Variants in PCDHA7 observed in about 807,000 individuals in gnomAD.
The protein encoded by PCDHA7 is protocadherin alpha 7.
A neutral mutation model predicts 57.2 loss-of-function variants in PCDHA7; 37 were observed. That is an observed-to-expected ratio of 0.65 (90% CI 0.50 to 0.85). The LOEUF is 0.85. PCDHA7 is among the 40% of genes least tolerant of loss of function. The pLI, the probability that PCDHA7 is intolerant of heterozygous loss-of-function variation, is 0.00. For missense variants in PCDHA7, 1,188 were observed against 1,241.8 expected, an observed-to-expected ratio of 0.96 and a Z score of 0.65; for synonymous variants, 553 against 558.8, an observed-to-expected ratio of 0.99 and a Z score of 0.15.
chr5:140,995,285 C>G (rs1179283452), intron 3 of PCDHA7, among the ~76,000 whole-genome samples: 1 of 152,048 alleles, frequency 6.6e-6, no homozygotes, highest in African/African-American at 2.4e-5. Flanking sequence ...ACCAAAACAG[C>G]CAGTCGGATA....
intron 1 of PCDHA7, among the ~76,000 whole-genome samples, chr5:140,924,615 C>G (rs142536325): frequency 6.6e-6 from 1 of 152,150 alleles, no homozygotes; most frequent in African/African-American, 2.4e-5. Flanking sequence ...ATGCCAGGTG[C>G]GGTGGCATGG....
At chr5:140,851,722 C>T (rs2042141470) in intron 1 of PCDHA7, 8 of 966,996 alleles carry the variant, frequency 8.3e-6, no homozygotes, top group East Asian at 1.1e-4. Flanking sequence ...TTCGAAACTT[C>T]GAGTTCTTTT....
rs116104145 is a variant in PCDHA7, at chr5:140,901,150, A to G, written c.2355+64412A>G. Among the ~76,000 whole-genome samples, 839 of 152,012 alleles carry G rather than the reference A, an allele frequency of 5.5e-3. 12 individuals carry two copies. Among genetic ancestry groups the G allele is most frequent in the African/African-American group, 0.019 (783 of 41,484 alleles). On this transcript the variant is annotated intron_variant, in intron 1 of 3. Transcript: ENST00000525929. ...GGTAGATTGTAAATATTTTCTCTCA[A>G]TCTGTGGGTTGTCTCTTCACTTTGT...
At chr5:140,841,517 G>T (rs2150317250) in intron 1 of PCDHA7, 29 of 1,613,422 alleles carry the variant, frequency 1.8e-5, no homozygotes, top group Non-Finnish European at 2.3e-5. Flanking sequence ...CCTGTTCCGG[G>T]TGGCGTCCAA....
chr5:140,962,061 T>C (rs1554225775), intron 1 of PCDHA7, among the ~76,000 whole-genome samples: 2 of 151,824 alleles, frequency 1.3e-5, no homozygotes, highest in Non-Finnish European at 1.5e-5. Context: ...TTTTTTTGTA[T>C]TTTTTAGTAG....
At chr5:140,846,552 T>G (rs1445405487) in intron 1 of PCDHA7, among the ~76,000 whole-genome samples, 2 of 148,312 alleles carry the variant, frequency 1.3e-5, no homozygotes, top group African/African-American at 4.9e-5. Context: ...TTTTTTGTAT[T>G]TTTAGTAGAG....
At position 140,844,249 on chromosome 5, in the gene PCDHA7, G is replaced by A. The variant is rs2150370021; in HGVS notation, c.2355+7511G>A. Among the ~76,000 whole-genome samples, 545 of 149,548 alleles carry A rather than the reference G, an allele frequency of 3.6e-3. 48 individuals carry two copies. The highest frequency in any genetic ancestry group is 5.8e-3 in the Non-Finnish European group (388 of 66,804). ...TGGTGTTTCACTATTGCCGTTTTAA[G>A]CAGTGTAGTGATAAAATACAGAATG... On this transcript the variant is annotated intron_variant, in intron 1 of 3. Coordinates refer to ENST00000525929, the MANE Select transcript of PCDHA7 (RefSeq NM_018910.3).
At chr5:140,937,174 A>G (rs1449263512) in intron 1 of PCDHA7, among the ~76,000 whole-genome samples, 1 of 151,302 alleles carries the variant, frequency 6.6e-6, no homozygotes, top group Non-Finnish European at 1.5e-5. Flanking sequence ...AGTAGCTGGG[A>G]CTACAGGCGC....
chr5:140,854,159 C>CAAAAA (rs59855104), intron 1 of PCDHA7: 4,589 of 339,800 alleles, frequency 0.014, 33 homozygotes, highest in Middle Eastern at 0.024. Flanking sequence ...GATTCTGTCT[C>CAAAAA]AAAAAAAAAA....
chr5:140,837,632 C>T (rs2150277792), intron 1 of PCDHA7, among the ~76,000 whole-genome samples: 69 of 151,222 alleles, frequency 4.6e-4, no homozygotes, highest in South Asian at 6.3e-4. Flanking sequence ...TTCCTTCCTT[C>T]CTTTCTTTCT....
chr5:140,945,614 A>G lies in PCDHA7; in HGVS notation c.2356-33335A>G, dbSNP rs2093816394. Among the ~76,000 whole-genome samples the G allele has an allele frequency of 2.0e-5, 3 of 152,278 alleles. No homozygotes were observed. The South Asian group carries it at 6.2e-4, about 32-fold the overall frequency. ...TCAAAGCTATAATAATCAAAACAGC[A>G]TGGTACTGGCATAAAAGACATGTAG... On this transcript the variant is annotated intron_variant, in intron 1 of 3. Coordinates refer to ENST00000525929, the MANE Select transcript of PCDHA7 (RefSeq NM_018910.3).
At chr5:140,860,734 GTTTTTTA>G (rs1404225189) in intron 1 of PCDHA7, 2 of 152,108 alleles carry the variant, frequency 1.3e-5, no homozygotes, top group Non-Finnish European at 2.9e-5. Context: ...TGGTTTTTTT[GTTTTTTA>G]TTTTTTATTT....
intron 1 of PCDHA7, among the ~76,000 whole-genome samples, chr5:140,891,720 T>C (rs1159192046): frequency 2.0e-5 from 3 of 152,170 alleles, no homozygotes; most frequent in African/African-American, 4.8e-5. Context: ...CCCAAATTCA[T>C]GTGTTGAAAA....
At chr5:140,935,850 G>A (rs2090589549) in intron 1 of PCDHA7, among the ~76,000 whole-genome samples, 1 of 149,422 alleles carries the variant, frequency 6.7e-6, no homozygotes, top group South Asian at 2.1e-4. Context: ...GCTTAATGGT[G>A]TCTTTTGATT....
At position 140,941,253 on chromosome 5, in the gene PCDHA7, TTC is replaced by T. The variant is rs371538795; in HGVS notation, c.2356-37692_2356-37691del. 4.9e-3 allele frequency among the ~76,000 whole-genome samples: 316 copies of T among 64,734 alleles called. 2 individuals carry two copies. The highest frequency in any genetic ancestry group is 6.9e-3 in the Admixed American group (39 of 5,692). 42.5% of individuals were successfully genotyped at this position (64,734 alleles called of 152,430 possible). On this transcript the variant is annotated intron_variant, in intron 1 of 3. Coordinates refer to ENST00000525929, the MANE Select transcript of PCDHA7 (RefSeq NM_018910.3). ...TTTCTTTCTTTCTTTCTTTCTTTCT[TTC>T]TCTTTCTTTCTTTCTTTCCTTCCTT...
chr5:140,855,100 C>G (rs1054682058), intron 1 of PCDHA7, among the ~76,000 whole-genome samples: 2 of 149,782 alleles, frequency 1.3e-5, no homozygotes, highest in Non-Finnish European at 3.0e-5. Flanking sequence ...TGTGCAGTAG[C>G]AATAATTAAG....
At position 140,835,916 on chromosome 5, in the gene PCDHA7, C is replaced by T. The variant is rs1359534891; in HGVS notation, c.1533C>T (p.His511=). The T allele has an allele frequency of 2.5e-6, 4 of 1,612,180 alleles. No individual in the cohort carries two copies. The highest frequency in any genetic ancestry group is 2.5e-6 in the Non-Finnish European group (3 of 1,179,670). ...CGCTGTCGAGCTACGTGTCAGTGCA[C>T]GCGGAGAGCGGCAAGGTGTACGCGC... is the stretch of plus-strand genomic sequence containing the variant. ...ERALSSYVSV[H]AESGKVYALQ... The change falls in exon 1 of 4, where the codon CAC becomes CAT. Residue 511 remains histidine, a synonymous_variant. Transcript: ENST00000525929.
At chr5:140,968,283 A>G in intron 1 of PCDHA7, 1 of 1,613,726 alleles carries the variant, frequency 6.2e-7, no homozygotes, top group Non-Finnish European at 8.5e-7. Flanking sequence ...GAGGTGACCT[A>G]CTCCCTTCTG....
chr5:140,959,842 C>G (rs1219308136), intron 1 of PCDHA7, among the ~76,000 whole-genome samples: 2 of 152,118 alleles, frequency 1.3e-5, no homozygotes, highest in African/African-American at 4.8e-5. Context: ...ATGCCTGTAA[C>G]TGCTAAAGGA....
Sources: gnomAD v4.1 joint callset for allele counts (sites outside exome capture counted in the v4.1 genomes callset) on GRCh38, gnomAD v4.1.1 for gene constraint, MANE v1.5 for transcripts, NCBI Gene and HGNC (gene_info 2026-07-23, HGNC 2026-07-21) for gene names.